Variants in CACNA1A observed in about 807,000 individuals in gnomAD.
CACNA1A encodes the protein voltage-dependent P/Q-type calcium channel subunit alpha-1A.
Under a neutral mutation model 262.4 loss-of-function variants are expected in CACNA1A, and 57 were observed. The ratio of observed to expected loss-of-function variants is 0.22; its 90% CI spans 0.18 to 0.27. CACNA1A has a LOEUF of 0.27. CACNA1A is among the 10% of genes least tolerant of loss of function. The pLI is 1.00. For missense variants in CACNA1A, 2,526 were observed against 3,562.8 expected (o/e 0.71, Z 7.41); for synonymous variants, 1,431 against 1,419.3 (o/e 1.01, Z -0.18).
At chr19:13,405,801 A>G (rs1478831873) in intron 3 of CACNA1A, among the ~76,000 whole-genome samples, 2 of 152,172 alleles carry the variant, frequency 1.3e-5, no homozygotes, top group African/African-American at 2.4e-5. Flanking sequence ...GATGTTCTGT[A>G]TATTTCACAG....
At chr19:13,298,133 C>CT (rs3050873) in intron 19 of CACNA1A, among the ~76,000 whole-genome samples, 26,116 of 112,968 alleles carry the variant, frequency 0.23, 3,504 homozygotes, top group African/African-American at 0.36. Context: ...AAATACAGCA[C>CT]TTTTTTTTTT....
intron 38 of CACNA1A, among the ~76,000 whole-genome samples, chr19:13,217,594 G>C (rs757478073): frequency 1.3e-5 from 2 of 152,144 alleles, no homozygotes; most frequent in African/African-American, 4.8e-5. Context: ...AGAGGTGGAG[G>C]GGCTCCTGGC....
Position 13,254,914 on chromosome 19 carries a change from A to C in CACNA1A, c.4755+181T>G, listed in dbSNP as rs116513466. Among the ~76,000 whole-genome samples the C allele has an allele frequency of 3.0e-3, 450 of 152,174 alleles. 1 individual carries two copies. The highest frequency in any genetic ancestry group is 0.01 in the African/African-American group (422 of 41,524). ...GTCTGCAGGTACAGCTGGGAAGAAG[A>C]AGCTGGCCGGGGGAGTGGTGGGAAC... On this transcript the variant is annotated intron_variant, in intron 29 of 46. Coordinates refer to ENST00000360228, the MANE Select transcript of CACNA1A (RefSeq NM_001127222.2).
chr19:13,241,557 C>T lies in CACNA1A; in HGVS notation c.4950+3625G>A, dbSNP rs748047908. The stretch of plus-strand genomic sequence containing the variant: ...TGCAGATGTTGAAGATGAGGGGGAG[C>T]GGGCGGGCGGGGGCAGTTGGGGAGG... On this transcript the variant is annotated intron_variant, in intron 31 of 46. Transcript: ENST00000360228. The surrounding 1 kb of genome is among the most constrained non-coding windows in gnomAD (Gnocchi z 4.0). 14 of 216,190 alleles carry T rather than the reference C, an allele frequency of 6.5e-5. No individual in the cohort carries two copies. In the East Asian group the frequency reaches 9.8e-4, roughly 15 times the overall value. The allele number at this position is 216,190 out of a possible 1,614,324, so 13.4% of individuals were successfully genotyped here.
intron 3 of CACNA1A, chr19:13,451,306 C>T (rs953973885): frequency 8.5e-5 from 13 of 152,202 alleles, no homozygotes; most frequent in African/African-American, 2.9e-4. Flanking sequence ...CCATCACATC[C>T]GCCAAGAGAG....
intron 1 of CACNA1A, among the ~76,000 whole-genome samples, chr19:13,474,035 T>G (rs1361032376): frequency 6.6e-6 from 1 of 152,192 alleles, no homozygotes; most frequent in Non-Finnish European, 1.5e-5. Flanking sequence ...CCTTGAAGCT[T>G]TATCATTAAA....
intron 3 of CACNA1A, among the ~76,000 whole-genome samples, chr19:13,415,369 G>A (rs2060202649): frequency 6.6e-6 from 1 of 152,138 alleles, no homozygotes; most frequent in Non-Finnish European, 1.5e-5. Context: ...GGGACAGGGT[G>A]AGAGGCTTCT....
intron 3 of CACNA1A, among the ~76,000 whole-genome samples, chr19:13,392,340 A>C (rs1176430234): frequency 6.6e-6 from 1 of 152,232 alleles, no homozygotes; most frequent in Non-Finnish European, 1.5e-5. Context: ...CCAGGGCTAG[A>C]GGAGGTGGTG....
chr19:13,342,461 G>A (rs1457181494), intron 6 of CACNA1A, among the ~76,000 whole-genome samples: 1 of 152,166 alleles, frequency 6.6e-6, no homozygotes, highest in Non-Finnish European at 1.5e-5. Context: ...ATATTGGGAA[G>A]GATGTGCTCT....
At chr19:13,445,181 AAAC>A (rs1225555492) in intron 3 of CACNA1A, among the ~76,000 whole-genome samples, 1 of 152,158 alleles carries the variant, frequency 6.6e-6, no homozygotes, top group African/African-American at 2.4e-5. Context: ...CAAGACCAAA[AAAC>A]AACATCTTTC....
intron 3 of CACNA1A, among the ~76,000 whole-genome samples, chr19:13,390,582 C>A (rs1454758849): frequency 6.6e-6 from 1 of 152,142 alleles, no homozygotes; most frequent in African/African-American, 2.4e-5. Flanking sequence ...AATTCTAAAT[C>A]ATCTAAATTT....
chr19:13,434,810 T>C (rs2060582045), intron 3 of CACNA1A, among the ~76,000 whole-genome samples: 1 of 151,898 alleles, frequency 6.6e-6, no homozygotes, highest in South Asian at 2.1e-4. Context: ...TTATTATTTT[T>C]ACAAGGTCTC....
intron 4 of CACNA1A, among the ~76,000 whole-genome samples, chr19:13,367,101 C>G (rs1304196532): frequency 6.6e-6 from 1 of 151,924 alleles, no homozygotes; most frequent in Non-Finnish European, 1.5e-5. Context: ...CAAGACAAGT[C>G]TGGCCAACAT....
rs1161094617 is a variant in CACNA1A at position 13,207,388 on chromosome 19, C to T, written c.7446G>A (p.Leu2482=). 5 of 1,542,132 alleles carry T rather than the reference C, an allele frequency of 3.2e-6. No individual in the cohort carries two copies. In the African/African-American group the frequency reaches 6.9e-5, roughly 21 times the overall value. ...LPNGYYPAHG[L]ARPRGPGSRK... is the part of the protein sequence containing the mutation. ...TGGAGCCCGGCCCGCGGGGCCTGGC[C>T]AGTCCGTGCGCCGGGTAGTAGCCGT... is the stretch of plus-strand genomic sequence containing the variant. The change falls in exon 47 of 47, where the codon CTG becomes CTA. Residue 2482 remains leucine, a synonymous_variant. Transcript: ENST00000360228. The surrounding 1 kb of genome is among the most constrained non-coding windows in gnomAD (Gnocchi z 5.7).
chr19:13,392,687 A>G (rs1325236665), intron 3 of CACNA1A, among the ~76,000 whole-genome samples: 1 of 151,638 alleles, frequency 6.6e-6, no homozygotes, highest in African/African-American at 2.4e-5. Context: ...CCTTCCTTCC[A>G]TCCCAAACAC....
In CACNA1A at chr19:13,234,048, T is replaced by TAAAA. The variant is rs60742009; in HGVS notation, c.5249+869_5249+872dup. Among the ~76,000 whole-genome samples, 280 of 102,318 alleles carry TAAAA rather than the reference T, an allele frequency of 2.7e-3. 1 individual carries two copies. The highest frequency in any genetic ancestry group is 3.2e-3 in the Non-Finnish European group (173 of 53,872). 67.1% of individuals were successfully genotyped at this position (102,318 alleles called of 152,430 possible). A position where few individuals can be genotyped will look rare whatever the true frequency, so the allele number is the denominator to read the frequency against. ...CTGGGCAACAGAGAGAGACTCCATCTAAAAAAAAAAAAAAAAAAGGGCTGG... is the reference window on the plus strand; with the variant it reads ...CTGGGCAACAGAGAGAGACTCCATCTAAAAAAAAAAAAAAAAAAAAAAGGGCTGG... On this transcript the variant is annotated intron_variant, in intron 34 of 46. Transcript: ENST00000360228.
At chr19:13,286,158 G>C (rs1230171183) in intron 20 of CACNA1A, among the ~76,000 whole-genome samples, 1 of 151,868 alleles carries the variant, frequency 6.6e-6, no homozygotes, top group Non-Finnish European at 1.5e-5. Context: ...ATTTCTTTTG[G>C]ACAGTGCTGG....
chr19:13,446,870 C>A (rs1295908729), intron 3 of CACNA1A, among the ~76,000 whole-genome samples: 1 of 151,908 alleles, frequency 6.6e-6, no homozygotes, highest in Non-Finnish European at 1.5e-5. Flanking sequence ...ATTCCAGGTG[C>A]TTGCCCGCTG....
intron 4 of CACNA1A, chr19:13,366,340 C>T (rs527380953): frequency 6.6e-6 from 1 of 152,220 alleles, no homozygotes; most frequent in East Asian, 1.9e-4. Context: ...CATGATGGTG[C>T]ATGCCTGTAG....
Sources: allele counts gnomAD v4.1 joint callset (sites outside exome capture counted in the v4.1 genomes callset), GRCh38; gene constraint gnomAD v4.1.1; non-coding constraint Gnocchi (gnomAD v3.1); transcripts MANE v1.5; gene names NCBI Gene and HGNC (gene_info 2026-07-23, HGNC 2026-07-21).